The following GPC5 variants were observed in gnomAD, a reference collection of about 807,000 sequenced individuals.
The protein encoded by GPC5 is glypican-5.
In GPC5, 47 loss-of-function variants were observed where a neutral mutation model predicts 53.9. The observed-to-expected ratio is 0.87, with a 90% CI of 0.69 to 1.11. The LOEUF (loss-of-function observed/expected upper bound fraction) is 1.11. GPC5 is among the 50% of genes most tolerant of loss of function. GPC5 has a pLI of 0.00. For synonymous variants in GPC5, 286 were observed against 263.3 expected (o/e 1.09, Z -0.84); for missense variants, 748 against 713.1 (o/e 1.05, Z -0.56).
At chr13:91,466,425 A>T (rs925215092) in intron 2 of GPC5, among the ~76,000 whole-genome samples, 2 of 152,076 alleles carry the variant, frequency 1.3e-5, no homozygotes, top group Non-Finnish European at 1.5e-5. Context: ...ACAGGAACAA[A>T]CTTTACGTTT....
chr13:92,512,232 GTA>G lies in GPC5; in HGVS notation c.1562-354048_1562-354047del, dbSNP rs1218159508. Among the ~76,000 whole-genome samples, 609 of 112,372 alleles carry G rather than the reference GTA, an allele frequency of 5.4e-3. 7 individuals carry two copies. The highest frequency in any genetic ancestry group is 0.017 in the African/African-American group (592 of 34,534). 73.7% of individuals were successfully genotyped at this position (112,372 alleles called of 152,430 possible). ...GTAATTTTTTTTTATTTTGTAGATT[GTA>G]TGTGTGTGTGTGTGTGCGCGCGCGC... On this transcript the variant is annotated intron_variant, in intron 7 of 7. Coordinates refer to ENST00000377067, the MANE Select transcript of GPC5 (RefSeq NM_004466.6).
At chr13:92,844,649 G>A (rs533613848) in intron 7 of GPC5, among the ~76,000 whole-genome samples, 2 of 152,050 alleles carry the variant, frequency 1.3e-5, no homozygotes, top group African/African-American at 4.8e-5. Context: ...TTCACATCAT[G>A]AAGTAAAAAA....
rs200456985 is a variant in GPC5 at position 91,728,698 on chromosome 13, A to G, written c.1154+33A>G. ...ATTTGTTTTACAACCAGAAAGAGAAAAGAAAGTAAGCCATTAATTTTACAA... is the reference window on the plus strand; with the variant it reads ...ATTTGTTTTACAACCAGAAAGAGAAGAGAAAGTAAGCCATTAATTTTACAA... On this transcript the variant is annotated intron_variant, in intron 4 of 7. Transcript: ENST00000377067. The G allele has an allele frequency of 2.5e-6, 4 of 1,595,138 alleles. No individual in the cohort carries two copies. In the African/African-American group the frequency reaches 5.4e-5, roughly 22 times the overall value.
At chr13:92,295,497 C>T (rs551504256) in intron 7 of GPC5, among the ~76,000 whole-genome samples, 1 of 152,170 alleles carries the variant, frequency 6.6e-6, no homozygotes, top group South Asian at 2.1e-4. Context: ...TAGTTTAAAT[C>T]CATTGTTTCT....
chr13:92,385,409 CACATAT>C (rs1566567346), intron 7 of GPC5, among the ~76,000 whole-genome samples: 2 of 68,546 alleles, frequency 2.9e-5, no homozygotes, highest in African/African-American at 1.1e-4. Context: ...CACATATATA[CACATAT>C]ATATACATAT....
chr13:92,040,328 T>A (rs770376777), intron 6 of GPC5, among the ~76,000 whole-genome samples: 17 of 152,072 alleles, frequency 1.1e-4, no homozygotes, highest in Non-Finnish European at 2.1e-4. Context: ...CCCATCTGAG[T>A]GACTGGGGTG....
chr13:91,992,059 A>G (rs2040461734), intron 6 of GPC5, among the ~76,000 whole-genome samples: 1 of 152,112 alleles, frequency 6.6e-6, no homozygotes, highest in African/African-American at 2.4e-5. Flanking sequence ...ATTTTTTGAG[A>G]CAGGGCCTTG....
chr13:92,371,383 T>C (rs531683208), intron 7 of GPC5, among the ~76,000 whole-genome samples: 3 of 152,264 alleles, frequency 2.0e-5, no homozygotes, highest in Admixed American at 6.5e-5. Context: ...AGAATGATTA[T>C]CCTGGATTAT....
At chr13:91,770,162 G>A (rs866648594) in intron 5 of GPC5, among the ~76,000 whole-genome samples, 1 of 152,150 alleles carries the variant, frequency 6.6e-6, no homozygotes, top group Non-Finnish European at 1.5e-5. Flanking sequence ...TTCATGAACA[G>A]CCAAAGGGAA....
At chr13:92,306,624 G>A (rs775309220) in intron 7 of GPC5, among the ~76,000 whole-genome samples, 5 of 152,188 alleles carry the variant, frequency 3.3e-5, no homozygotes, top group Non-Finnish European at 5.9e-5. Context: ...GGTGGCCCCA[G>A]AGGGCCTTAC....
At chr13:91,841,789 A>G (rs552984824) in intron 5 of GPC5, among the ~76,000 whole-genome samples, 1 of 152,304 alleles carries the variant, frequency 6.6e-6, no homozygotes, top group South Asian at 2.1e-4. Flanking sequence ...CTCAAGTAGA[A>G]CAAACACAAG....
intron 2 of GPC5, among the ~76,000 whole-genome samples, chr13:91,576,030 AG>A (rs2032119658): frequency 6.6e-6 from 1 of 152,142 alleles, no homozygotes; most frequent in Non-Finnish European, 1.5e-5. Context: ...ATATGAAAGA[AG>A]TAGTAGGTAG....
chr13:92,101,425 A>G (rs1330363390), intron 6 of GPC5, among the ~76,000 whole-genome samples: 1 of 152,152 alleles, frequency 6.6e-6, no homozygotes, highest in East Asian at 1.9e-4. Context: ...AAGTGTCTAT[A>G]CACAGATTAT....
intron 6 of GPC5, among the ~76,000 whole-genome samples, chr13:92,082,922 A>T (rs77517429): frequency 6.6e-6 from 1 of 152,314 alleles, no homozygotes; most frequent in South Asian, 2.1e-4. Context: ...ACCTGGGATC[A>T]TGAAATCAAA....
chr13:91,882,758 T>G (rs1201470105), intron 5 of GPC5, among the ~76,000 whole-genome samples: 1 of 136,548 alleles, frequency 7.3e-6, no homozygotes, highest in Admixed American at 8.1e-5. Flanking sequence ...TTATCAAAGC[T>G]GATTTTTTTT....
chr13:91,604,124 C>T (rs2033275491), intron 2 of GPC5, among the ~76,000 whole-genome samples: 1 of 145,052 alleles, frequency 6.9e-6, no homozygotes, highest in African/African-American at 2.6e-5. Context: ...CACAACAGTC[C>T]CCAGAGTGTG....
intron 2 of GPC5, among the ~76,000 whole-genome samples, chr13:91,456,756 G>T (rs1045822283): frequency 6.6e-6 from 1 of 151,212 alleles, no homozygotes; most frequent in Admixed American, 6.6e-5. Context: ...CTTGCATGCT[G>T]TAAAAAGTAA....
At chr13:92,313,457 T>A (rs1346794230) in intron 7 of GPC5, among the ~76,000 whole-genome samples, 1 of 152,194 alleles carries the variant, frequency 6.6e-6, no homozygotes, top group Admixed American at 6.5e-5. Flanking sequence ...AAGTAATTTG[T>A]GACAAAGCAA....
chr13:91,410,177 T>C (rs1877613765), intron 1 of GPC5, among the ~76,000 whole-genome samples: 1 of 152,170 alleles, frequency 6.6e-6, no homozygotes, highest in Non-Finnish European at 1.5e-5. Flanking sequence ...TCAGTGGTTT[T>C]TGAGAAGCAT....
Sources: gnomAD v4.1 joint callset for allele counts (sites outside exome capture counted in the v4.1 genomes callset) on GRCh38, gnomAD v4.1.1 for gene constraint, MANE v1.5 for transcripts, NCBI Gene and HGNC (gene_info 2026-07-23, HGNC 2026-07-21) for gene names.